The following STXBP5L variants were observed in gnomAD, a reference collection of about 807,000 sequenced individuals.
STXBP5L encodes syntaxin-binding protein 5-like.
A neutral mutation model predicts 144.5 loss-of-function variants in STXBP5L; 65 were observed. The observed-to-expected ratio is 0.45, with a 90% CI of 0.37 to 0.55. STXBP5L has a LOEUF of 0.55. STXBP5L is among the 20% of genes least tolerant of loss of function. The probability of loss-of-function intolerance (pLI) is 0.00; values close to 1 mark genes in which losing one functional copy is unlikely to be tolerated. For missense variants in STXBP5L, 1,298 were observed against 1,405.5 expected, an observed-to-expected ratio of 0.92 and a Z score of 1.22; for synonymous variants, 505 against 469.6, an observed-to-expected ratio of 1.08 and a Z score of -0.97.
intron 9 of STXBP5L, among the ~76,000 whole-genome samples, chr3:121,167,781 G>C (rs571967378): frequency 6.6e-6 from 1 of 152,324 alleles, no homozygotes; most frequent in South Asian, 2.1e-4. Context: ...ATCCCTGCCT[G>C]CTGACTCTGA....
intron 5 of STXBP5L, among the ~76,000 whole-genome samples, chr3:121,092,685 G>A (rs1289301767): frequency 2.0e-5 from 3 of 152,162 alleles, no homozygotes; most frequent in African/African-American, 7.2e-5. Flanking sequence ...AGACAGTGGG[G>A]TTTTCTAGAT....
chr3:120,916,793 T>C (rs1273583281), intron 2 of STXBP5L, among the ~76,000 whole-genome samples: 1 of 152,206 alleles, frequency 6.6e-6, no homozygotes, highest in Non-Finnish European at 1.5e-5. Flanking sequence ...ATCTTTCTTT[T>C]ATTTTTACTT....
At chr3:121,340,766 A>G (rs529396091) in intron 20 of STXBP5L, among the ~76,000 whole-genome samples, 1 of 152,204 alleles carries the variant, frequency 6.6e-6, no homozygotes, top group East Asian at 1.9e-4. Context: ...AAGTAGAAAG[A>G]CCCAGGTGAA....
intron 3 of STXBP5L, among the ~76,000 whole-genome samples, chr3:120,965,909 A>G (rs1422368805): frequency 6.6e-6 from 1 of 152,212 alleles, no homozygotes; most frequent in Non-Finnish European, 1.5e-5. Flanking sequence ...ACTTTCAGAT[A>G]CACCAATCAA....
intron 20 of STXBP5L, among the ~76,000 whole-genome samples, chr3:121,329,198 G>T (rs1448216200): frequency 6.6e-6 from 1 of 152,114 alleles, no homozygotes. Context: ...CTGGGTAAAA[G>T]TCCCGTAGGT....
chr3:121,350,564 G>A (rs1321677142), intron 20 of STXBP5L, among the ~76,000 whole-genome samples: 2 of 152,042 alleles, frequency 1.3e-5, no homozygotes. Context: ...TTTCCAACTT[G>A]GTTCCATTCT....
chr3:121,122,847 A>G (rs1413616096), intron 7 of STXBP5L, among the ~76,000 whole-genome samples: 2 of 151,512 alleles, frequency 1.3e-5, no homozygotes, highest in East Asian at 3.9e-4. Flanking sequence ...CAAGAATCTC[A>G]TAATAAGAGA....
intron 3 of STXBP5L, among the ~76,000 whole-genome samples, chr3:120,968,864 G>A (rs1333732266): frequency 1.3e-5 from 2 of 152,046 alleles, no homozygotes; most frequent in Admixed American, 6.6e-5. Context: ...CTAAGTTCCT[G>A]CAAGAGGCAT....
chr3:120,987,310 G>T (rs1022854420), intron 3 of STXBP5L, among the ~76,000 whole-genome samples: 1 of 151,888 alleles, frequency 6.6e-6, no homozygotes, highest in African/African-American at 2.4e-5. Context: ...TTAAGTTTTA[G>T]TCGTTTTGAT....
chr3:121,284,237 C>T lies in STXBP5L; in HGVS notation c.2110+4281C>T, dbSNP rs369410968. Among the ~76,000 whole-genome samples, 3 of 151,892 alleles carry T rather than the reference C, an allele frequency of 2.0e-5. No homozygotes were observed. In the East Asian group the frequency reaches 5.8e-4, roughly 29 times the overall value. On this transcript the variant is annotated intron_variant, in intron 19 of 26. Coordinates refer to ENST00000471454, the MANE Select transcript of STXBP5L (RefSeq NM_001308330.2). ...TCTAAAGTATAATTTCTATCAACAA[C>T]CTCAAATGGATTTTCTACTATTCTC...
chr3:121,042,331 C>G (rs1229442824), intron 4 of STXBP5L, among the ~76,000 whole-genome samples: 1 of 152,120 alleles, frequency 6.6e-6, no homozygotes, highest in Admixed American at 6.6e-5. Flanking sequence ...GAGGAACTCT[C>G]TAAAAACAAA....
intron 5 of STXBP5L, among the ~76,000 whole-genome samples, chr3:121,059,315 G>A (rs189190798): frequency 6.6e-6 from 1 of 152,128 alleles, no homozygotes; most frequent in South Asian, 2.1e-4. Flanking sequence ...GGCCTCTGTT[G>A]TGTTCCATAG....
At chr3:121,049,229 C>A (rs1042276798) in intron 5 of STXBP5L, among the ~76,000 whole-genome samples, 1 of 152,054 alleles carries the variant, frequency 6.6e-6, no homozygotes, top group East Asian at 1.9e-4. Flanking sequence ...TCACTGTGTA[C>A]CCTCCTGATC....
chr3:121,305,806 T>TA (rs1010427606), intron 19 of STXBP5L, among the ~76,000 whole-genome samples: 2 of 152,102 alleles, frequency 1.3e-5, no homozygotes, highest in African/African-American at 4.8e-5. Context: ...AAAGCAAGAT[T>TA]AAAAAATTAT....
chr3:121,258,935 A>C, intron 17 of STXBP5L, 108 bp from the exon 18 acceptor site: 1 of 1,113,546 alleles, frequency 9.0e-7, no homozygotes, highest in Non-Finnish European at 1.2e-6. Context: ...GCTGCCTGCA[A>C]TGCCTGGTGT....
At chr3:121,355,891 T>C (rs547462088) in intron 20 of STXBP5L, among the ~76,000 whole-genome samples, 1 of 152,142 alleles carries the variant, frequency 6.6e-6, no homozygotes, top group Non-Finnish European at 1.5e-5. Flanking sequence ...GTTCTTATTG[T>C]TGATGTTGAT....
intron 5 of STXBP5L, among the ~76,000 whole-genome samples, chr3:121,079,740 C>A (rs1169166555): frequency 2.6e-5 from 4 of 152,084 alleles, no homozygotes; most frequent in Non-Finnish European, 5.9e-5. Context: ...TATTTTGTGG[C>A]CTGTCATGGT....
chr3:121,086,814 CT>C lies in STXBP5L; in HGVS notation c.471-28110del, dbSNP rs1308163098. On this transcript the variant is annotated intron_variant, in intron 5 of 26. Coordinates refer to ENST00000471454, the MANE Select transcript of STXBP5L (RefSeq NM_001308330.2). ...ACTCAACCTGTACCATGTAATCTAT[CT>C]GTATAAAAAGGTGTACTATCTAGGT... Among the ~76,000 whole-genome samples the C allele has an allele frequency of 2.0e-5, 3 of 151,990 alleles. No homozygotes were observed. In the East Asian group the frequency reaches 5.8e-4, roughly 29 times the overall value.
At chr3:121,188,333 T>G (rs960449779) in intron 9 of STXBP5L, among the ~76,000 whole-genome samples, 1 of 152,108 alleles carries the variant, frequency 6.6e-6, no homozygotes, top group African/African-American at 2.4e-5. Context: ...CACAACAAAC[T>G]GTCTCTCAGA....
Sources: allele counts gnomAD v4.1 joint callset (sites outside exome capture counted in the v4.1 genomes callset), GRCh38; gene constraint gnomAD v4.1.1; transcripts MANE v1.5; gene names NCBI Gene and HGNC (gene_info 2026-07-23, HGNC 2026-07-21).